The following RGMA variants were observed in gnomAD, a reference collection of about 807,000 sequenced individuals.
RGMA encodes the protein repulsive guidance molecule BMP co-receptor a.
Under a neutral mutation model 23.2 loss-of-function variants are expected in RGMA, and 10 were observed. That is an observed-to-expected ratio of 0.43 (90% confidence interval 0.27 to 0.73). The LOEUF is 0.73. RGMA is among the 30% of genes least tolerant of loss of function. The pLI, the probability that RGMA is intolerant of heterozygous loss-of-function variation, is 0.20. For missense variants in RGMA, 547 were observed against 630.5 expected (o/e 0.87, Z 1.42); for synonymous variants, 308 against 279.3 (o/e 1.10, Z -1.03).
chr15:93,066,923 C>T (rs889600144), intron 2 of RGMA, among the ~76,000 whole-genome samples: 5 of 152,308 alleles, frequency 3.3e-5, no homozygotes, highest in African/African-American at 9.6e-5. Context: ...TGTGCAATGT[C>T]GGGAAAACCT....
At chr15:93,082,959 T>G (rs972359264) in intron 1 of RGMA, among the ~76,000 whole-genome samples, 2 of 152,268 alleles carry the variant, frequency 1.3e-5, no homozygotes, top group African/African-American at 4.8e-5. Context: ...TCTCAAGTTT[T>G]AAGCCAGATG....
At chr15:93,050,882 G>T (rs2054906393) in intron 3 of RGMA, among the ~76,000 whole-genome samples, 1 of 152,164 alleles carries the variant, frequency 6.6e-6, no homozygotes, top group Non-Finnish European at 1.5e-5. Flanking sequence ...TCAGGCTCCT[G>T]GCGTCCGTCT....
intron 2 of RGMA, chr15:93,066,608 C>A (rs577903184): frequency 3.3e-5 from 15 of 453,656 alleles, no homozygotes; most frequent in Non-Finnish European, 5.2e-5. Context: ...GCATCGTCGC[C>A]GTGGGGACTG....
In RGMA at chr15:93,045,653, T is replaced by C. The variant is rs777103346; in HGVS notation, c.698A>G (p.Gln233Arg). 2.5e-6 allele frequency: 4 copies of C among 1,609,832 alleles called. No homozygotes were observed. In the South Asian group the frequency reaches 4.4e-5, roughly 18 times the overall value. ...FQECVDQKVY[Q>R]AEMDELPAAF... ...GGCCGGGAGCTCGTCCATCTCAGCC[T>C]GGTACACCTTCTGGTCCACACACTC... The change falls in exon 4 of 4, where the codon CAG becomes CGG. Residue 233 changes from glutamine (Q) to arginine (R), a missense_variant. Physicochemically the swap from Gln to Arg is conservative, Grantham distance 43. This residue lies in a region of RGMA where 128 missense variants were observed against 191.7 expected (regional missense o/e 0.67). Transcript: ENST00000329082. The surrounding 1 kb of genome is among the most constrained non-coding windows in gnomAD (Gnocchi z 6.9).
chr15:93,078,863 C>T (rs1895514590), intron 1 of RGMA, among the ~76,000 whole-genome samples: 1 of 152,218 alleles, frequency 6.6e-6, no homozygotes, highest in Admixed American at 6.5e-5. Flanking sequence ...AGCAAACAAA[C>T]ATTTTGCAAA....
In RGMA at chr15:93,045,520, G is replaced by A. The variant is rs767777497; in HGVS notation, c.831C>T (p.Ile277=). 268 of 1,613,162 alleles carry A rather than the reference G, an allele frequency of 1.7e-4. 2 individuals carry two copies. In the South Asian group the frequency reaches 2.1e-3, roughly 12 times the overall value. The change falls in exon 4 of 4, where the codon ATC becomes ATT. Residue 277 remains isoleucine, a synonymous_variant. Transcript: ENST00000329082. This position sits in a 1 kb window ranked among gnomAD's most constrained non-coding sequence, Gnocchi z 6.9. ...CCTGGCGCACCACGATGGTGGTGCCGATGTACTTGGCCTGGATCTCCACGT... is the reference window on the plus strand; with the variant it reads ...CCTGGCGCACCACGATGGTGGTGCCAATGTACTTGGCCTGGATCTCCACGT... ...GQHVEIQAKY[I]GTTIVVRQVG...
chr15:93,056,864 C>T (rs2055023293), intron 2 of RGMA, among the ~76,000 whole-genome samples: 1 of 152,180 alleles, frequency 6.6e-6, no homozygotes, highest in East Asian at 1.9e-4. Context: ...TGCCTGGAGC[C>T]CCAGGGGCAT....
intron 1 of RGMA, chr15:93,088,587 G>A (rs932991959): frequency 7.0e-5 from 75 of 1,070,996 alleles, no homozygotes; most frequent in Admixed American, 1.1e-4. Context: ...GGCCGGCTCC[G>A]TCCGGGGCTC....
In RGMA at chr15:93,038,873, C is replaced by T. The variant is rs143499634; in HGVS notation, c.*6125G>A. 13 of 152,272 alleles carry T rather than the reference C, an allele frequency of 8.5e-5. No homozygotes were observed. The highest frequency in any genetic ancestry group is 1.5e-4 in the Non-Finnish European group (10 of 68,082). The allele number at this position is 152,272 out of a possible 1,614,324, so 9.4% of individuals were successfully genotyped here. A position where few individuals can be genotyped will look rare whatever the true frequency, so the allele number is the denominator to read the frequency against. ...ACAGGCGTGAGCCACCGCTCCCGGC[C>T]GAAACTGTTTAATATTGAGTGCCAA... On this transcript the variant is annotated 3_prime_UTR_variant, in exon 4 of 4. Transcript: ENST00000329082.
chr15:93,044,343 G>C lies in RGMA; in HGVS notation c.*655C>G, dbSNP rs912892097. 1 of 152,932 alleles carries C rather than the reference G, an allele frequency of 6.5e-6. No individual in the cohort carries two copies. The highest frequency in any genetic ancestry group is 1.9e-4 in the East Asian group (1 of 5,200). The allele number at this position is 152,932 out of a possible 1,614,324, so 9.5% of individuals were successfully genotyped here. A position where few individuals can be genotyped will look rare whatever the true frequency, so the allele number is the denominator to read the frequency against. Reference sequence around the variant, plus strand: ...AGCTGAGCAGGTGCCTGAAAACCGGGACCTGCACTGGTACCCACAGCAGCC... The same window carrying C: ...AGCTGAGCAGGTGCCTGAAAACCGGCACCTGCACTGGTACCCACAGCAGCC... On this transcript the variant is annotated 3_prime_UTR_variant, in exon 4 of 4. Coordinates refer to ENST00000329082, the MANE Select transcript of RGMA (RefSeq NM_020211.3).
chr15:93,052,347 C>T lies in RGMA; in HGVS notation c.291G>A (p.Leu97=). 6.2e-7 allele frequency: 1 copy of T among 1,601,768 alleles called. No homozygotes were observed. Among genetic ancestry groups the T allele is most frequent in the Non-Finnish European group, 8.5e-7 (1 of 1,179,444 alleles). ...TGCCATGGACGGCCGAGTGGTAGGC[C>T]AGGTCACCCCGGCAGGTGCGGGCCG... ...RRTARTCRGD[L]AYHSAVHGIE... is the part of the protein sequence containing the mutation. Residue 97 remains leucine, a synonymous_variant, in exon 3 of 4, where the codon CTG becomes CTA. Coordinates refer to ENST00000329082, the MANE Select transcript of RGMA (RefSeq NM_020211.3).
In RGMA at chr15:93,045,847, G is replaced by A. The variant is rs2054817020; in HGVS notation, c.646-142C>T. On this transcript the variant is annotated intron_variant, in intron 3 of 3. Transcript: ENST00000329082. This position sits in a 1 kb window ranked among gnomAD's most constrained non-coding sequence, Gnocchi z 6.9. ...GACACTCCCTTCTCCAGGTTGGACAGATCAGTTCCACCTGCGCAGCTGTGC... is the reference window on the plus strand; with the variant it reads ...GACACTCCCTTCTCCAGGTTGGACAAATCAGTTCCACCTGCGCAGCTGTGC... 2 of 625,640 alleles carry A rather than the reference G, an allele frequency of 3.2e-6. No homozygotes were observed. The highest frequency in any genetic ancestry group is 5.6e-6 in the Non-Finnish European group (2 of 355,826). 38.8% of individuals were successfully genotyped at this position (625,640 alleles called of 1,614,324 possible).
At chr15:93,067,582 T>G (rs1895197928) in intron 2 of RGMA, among the ~76,000 whole-genome samples, 2 of 152,126 alleles carry the variant, frequency 1.3e-5, no homozygotes, top group Non-Finnish European at 2.9e-5. Context: ...TGGACCCCTG[T>G]AGACGGCACT....
chr15:93,053,953 T>C (rs1332238659), intron 2 of RGMA, among the ~76,000 whole-genome samples: 2 of 152,112 alleles, frequency 1.3e-5, no homozygotes, highest in Non-Finnish European at 2.9e-5. Flanking sequence ...AATTGCTGGG[T>C]ATGGCAGCTC....
chr15:93,060,022 GGTGTGAGCTGA>G, intron 2 of RGMA, among the ~76,000 whole-genome samples: 1 of 152,104 alleles, frequency 6.6e-6, no homozygotes, highest in Non-Finnish European at 1.5e-5. Flanking sequence ...TGCCCCACAG[GGTGTGAGCTGA>G]GCACACCTGC....
At chr15:93,073,953 C>G (rs907092418) in intron 1 of RGMA, 3 of 1,426,326 alleles carry the variant, frequency 2.1e-6, no homozygotes, top group South Asian at 1.5e-5. Context: ...CTCTGCGAGG[C>G]CCGCAAGGCT....
chr15:93,052,005 A>G lies in RGMA; in HGVS notation c.633T>C (p.Thr211=). The change falls in exon 3 of 4, where the codon ACT becomes ACC. Residue 211 remains threonine, a synonymous_variant. Transcript: ENST00000329082. ...CCCTCCCCCTTACCTTGCTGGTGGC[A>G]GTGGCCGCTGAGCCGGGCAGCACAG... The part of the protein sequence containing the change: ...NTPVLPGSAA[T]ATSKLTIIFK... 6.2e-7 allele frequency: 1 copy of G among 1,603,562 alleles called. No individual in the cohort carries two copies. Among genetic ancestry groups the G allele is most frequent in the East Asian group, 2.2e-5 (1 of 44,572 alleles).
At position 93,088,972 on chromosome 15, in the gene RGMA, G is replaced by A; in HGVS notation, c.-40C>T. ...CGCGGGGGGTGGCGCTGGCGGGGCT[G>A]CGGGAGAAGAGGGGGTGTCGGGGCG... On this transcript the variant is annotated 5_prime_UTR_variant, in exon 1 of 4. Coordinates refer to ENST00000329082, the MANE Select transcript of RGMA (RefSeq NM_020211.3). 3 of 1,362,452 alleles carry A rather than the reference G, an allele frequency of 2.2e-6. No homozygotes were observed. The highest frequency in any genetic ancestry group is 2.8e-6 in the Non-Finnish European group (3 of 1,060,084). 84.4% of individuals were successfully genotyped at this position (1,362,452 alleles called of 1,614,324 possible).
At chr15:93,051,886 G>A (rs117499128) in intron 3 of RGMA, 107 bp downstream of exon 3, 70,950 of 1,213,658 alleles carry the variant, frequency 0.058, 2,445 homozygotes, top group Non-Finnish European at 0.065. Flanking sequence ...GCTCCGCTCC[G>A]TCTTCCCCCA....
Sources: gnomAD v4.1 joint callset for allele counts (sites outside exome capture counted in the v4.1 genomes callset) on GRCh38, gnomAD v4.1.1 for gene constraint, gnomAD v4.1.1 regional missense constraint, Gnocchi (gnomAD v3.1) non-coding constraint, MANE v1.5 for transcripts, NCBI Gene and HGNC (gene_info 2026-07-23, HGNC 2026-07-21) for gene names.